The following IQCM variants were observed in gnomAD, a reference collection of about 807,000 sequenced individuals.
IQCM encodes IQ domain-containing protein M.
In IQCM, 45 loss-of-function variants were observed where a neutral mutation model predicts 57.6. That is an observed-to-expected ratio of 0.78 (90% CI 0.62 to 1.00). IQCM has a LOEUF of 1.00. Ranked by LOEUF, IQCM falls within the 50% of genes least tolerant of loss-of-function variation. IQCM has a pLI of 0.00. For synonymous variants in IQCM, 148 were observed against 158.9 expected, an observed-to-expected ratio of 0.93 and a Z score of 0.51; for missense variants, 468 against 511.6, an observed-to-expected ratio of 0.91 and a Z score of 0.82.
At chr4:149,727,832 A>G (rs960471479) in intron 5 of IQCM, among the ~76,000 whole-genome samples, 1 of 152,168 alleles carries the variant, frequency 6.6e-6, no homozygotes, top group Non-Finnish European at 1.5e-5. Context: ...ATTTCAGGTG[A>G]TGAATGAGAA....
intron 7 of IQCM, among the ~76,000 whole-genome samples, chr4:149,643,329 C>T (rs1758366052): frequency 6.6e-6 from 1 of 152,116 alleles, no homozygotes; most frequent in African/African-American, 2.4e-5. Context: ...AAAAAGTATA[C>T]CATCTAATGG....
chr4:149,630,217 T>C (rs980896462), intron 7 of IQCM, among the ~76,000 whole-genome samples: 6 of 152,204 alleles, frequency 3.9e-5, no homozygotes, highest in African/African-American at 1.2e-4. Context: ...GATGGCAGCA[T>C]ACTTGTCATC....
chr4:149,761,484 C>T (rs775348108), intron 2 of IQCM, among the ~76,000 whole-genome samples: 9 of 152,046 alleles, frequency 5.9e-5, no homozygotes, highest in Non-Finnish European at 7.4e-5. Flanking sequence ...TGAATGCCTC[C>T]TCCACAAAAT....
chr4:149,457,771 TCTGTAA>T (rs545730930), intron 12 of IQCM, among the ~76,000 whole-genome samples: 1 of 152,080 alleles, frequency 6.6e-6, no homozygotes, highest in African/African-American at 2.4e-5. Context: ...TCTACTGTTT[TCTGTAA>T]CTGTAACATT....
intron 13 of IQCM, among the ~76,000 whole-genome samples, chr4:149,396,809 G>T (rs988151706): frequency 6.6e-6 from 1 of 151,996 alleles, no homozygotes; most frequent in Non-Finnish European, 1.5e-5. Flanking sequence ...TAACCATGCA[G>T]TATCTGTCTT....
Position 149,664,006 on chromosome 4 carries a change from A to T in IQCM, c.565+18112T>A, listed in dbSNP as rs55976078. On this transcript the variant is annotated intron_variant, in intron 7 of 13. Transcript: ENST00000636793. The stretch of plus-strand genomic sequence containing the variant: ...TCCCTAAGTCCCATAGGCTTTCTTC[A>T]TTGTTTGATTCTTTTTCCTCTGGAT... Among the ~76,000 whole-genome samples, 1,369 of 152,018 alleles carry T rather than the reference A, an allele frequency of 9.0e-3. 10 individuals carry two copies. The highest frequency in any genetic ancestry group is 0.037 in the Middle Eastern group (11 of 294).
chr4:149,546,280 A>G (rs200101566), intron 12 of IQCM, among the ~76,000 whole-genome samples: 10 of 152,292 alleles, frequency 6.6e-5, no homozygotes, highest in Admixed American at 4.6e-4. Flanking sequence ...ATAAACATAC[A>G]TGTGCATGTG....
chr4:149,610,748 C>T (rs1333611070), intron 8 of IQCM, among the ~76,000 whole-genome samples: 1 of 152,016 alleles, frequency 6.6e-6, no homozygotes. Flanking sequence ...AAATATAAGA[C>T]TCAAAACTAT....
At chr4:149,813,335 T>C (rs1185620163) in intron 2 of IQCM, among the ~76,000 whole-genome samples, 4 of 151,792 alleles carry the variant, frequency 2.6e-5, no homozygotes, top group Non-Finnish European at 4.4e-5. Flanking sequence ...ATGTATCTAA[T>C]GCATCTTTTT....
At chr4:149,507,978 G>A (rs1039346980) in intron 12 of IQCM, among the ~76,000 whole-genome samples, 1 of 151,860 alleles carries the variant, frequency 6.6e-6, no homozygotes, top group African/African-American at 2.4e-5. Flanking sequence ...ACTAAAAGGA[G>A]CCAAGGCACA....
At chr4:149,694,329 A>G (rs1580021739) in intron 5 of IQCM, among the ~76,000 whole-genome samples, 1 of 139,140 alleles carries the variant, frequency 7.2e-6, no homozygotes, top group South Asian at 2.2e-4. Context: ...GGTTCACGCC[A>G]TTCTCCTGCC....
intron 6 of IQCM, among the ~76,000 whole-genome samples, chr4:149,685,608 C>A (rs9993669): frequency 0.036 from 5,397 of 151,536 alleles, 333 homozygotes; most frequent in African/African-American, 0.12. Context: ...CATAGCCTTG[C>A]CAGCATTTCC....
intron 10 of IQCM, among the ~76,000 whole-genome samples, chr4:149,560,653 C>T (rs960325126): frequency 1.3e-5 from 2 of 152,234 alleles, no homozygotes; most frequent in South Asian, 4.1e-4. Context: ...ATATAGCAAT[C>T]TCTGTGGTCT....
chr4:149,714,865 T>C (rs1561190755), intron 5 of IQCM, among the ~76,000 whole-genome samples: 1 of 152,176 alleles, frequency 6.6e-6, no homozygotes, highest in Non-Finnish European at 1.5e-5. Context: ...AGTGTGGATA[T>C]GCTGGAGACA....
At chr4:149,381,422 T>C (rs1024225848) in intron 13 of IQCM, among the ~76,000 whole-genome samples, 1 of 152,124 alleles carries the variant, frequency 6.6e-6, no homozygotes, top group Non-Finnish European at 1.5e-5. Context: ...TGGCATCTCC[T>C]CTTTCACTGT....
At chr4:149,515,068 A>T (rs1004344112) in intron 12 of IQCM, among the ~76,000 whole-genome samples, 5 of 53,364 alleles carry the variant, frequency 9.4e-5, no homozygotes, top group African/African-American at 2.5e-4. Context: ...CCATATATAT[A>T]CACGTGTGTG....
At chr4:149,354,264 T>G (rs1728774261) in intron 13 of IQCM, among the ~76,000 whole-genome samples, 1 of 140,908 alleles carries the variant, frequency 7.1e-6, no homozygotes, top group African/African-American at 2.7e-5. Context: ...CTTGGGAGGC[T>G]GAGGCAGGAG....
At chr4:149,356,800 A>G (rs1291966499) in intron 13 of IQCM, among the ~76,000 whole-genome samples, 1 of 152,166 alleles carries the variant, frequency 6.6e-6, no homozygotes, top group African/African-American at 2.4e-5. Flanking sequence ...TGGTAGCTTG[A>G]TGGGGATGGC....
chr4:149,548,426 G>T (rs13150423), intron 12 of IQCM, 29 bp downstream of exon 12: 40,955 of 1,229,704 alleles, frequency 0.033, 775 homozygotes, highest in Non-Finnish European at 0.038. Context: ...GGAAAAGAAG[G>T]GGGGAAAAAG....
Sources: allele counts gnomAD v4.1 joint callset (sites outside exome capture counted in the v4.1 genomes callset), GRCh38; gene constraint gnomAD v4.1.1; transcripts MANE v1.5; gene names NCBI Gene and HGNC (gene_info 2026-07-23, HGNC 2026-07-21).